KIF11: variants seen among roughly 807,000 people sequenced by gnomAD.
KIF11 encodes the protein kinesin-like protein KIF11.
KIF11 carries 9 observed loss-of-function variants against 121.0 expected under a neutral mutation model. The observed-to-expected ratio is 0.07, with a 90% CI of 0.04 to 0.13. The LOEUF is 0.13. Ranked by LOEUF, KIF11 falls within the 10% of genes least tolerant of loss-of-function variation. The pLI is 1.00. For missense variants in KIF11, 846 were observed against 1,217.5 expected (o/e 0.69, Z 4.54); for synonymous variants, 408 against 421.0 (o/e 0.97, Z 0.38).
chr10:92,632,586 A>G lies in KIF11; in HGVS notation c.1595A>G (p.Asp532Gly). The change falls in exon 13 of 22, where the codon GAT becomes GGT. Residue 532 changes from aspartate (D) to glycine (G), a missense_variant. This residue lies in a region of KIF11 where 492 missense variants were observed against 603.4 expected (regional missense o/e 0.82). Coordinates refer to ENST00000260731, the MANE Select transcript of KIF11 (RefSeq NM_004523.4). ...AVDQHNAEAQ[D>G]IFGKNLNSLF... Reference sequence around the variant, plus strand: ...GACCAACACAATGCAGAAGCTCAGGATATTTTTGGCAAAAACCTGAATAGT... The same window carrying G: ...GACCAACACAATGCAGAAGCTCAGGGTATTTTTGGCAAAAACCTGAATAGT... 6.2e-7 allele frequency: 1 copy of G among 1,613,444 alleles called. No homozygotes were observed. Among genetic ancestry groups the G allele is most frequent in the Non-Finnish European group, 8.5e-7 (1 of 1,179,344 alleles).
At chr10:92,614,192 G>A (rs947509074) in intron 8 of KIF11, among the ~76,000 whole-genome samples, 2 of 151,460 alleles carry the variant, frequency 1.3e-5, no homozygotes, top group African/African-American at 2.4e-5. Flanking sequence ...CACCTCCCAG[G>A]TTCAAGCGAT....
intron 4 of KIF11, 98 bp downstream of exon 4, chr10:92,607,335 G>A (rs1209071230): frequency 3.0e-6 from 2 of 664,440 alleles, no homozygotes. Context: ...AGAGATCAGA[G>A]TACCTATGTC....
In KIF11 at chr10:92,650,518, G is replaced by A; in HGVS notation, c.3039+1G>A. ...AATTGGCGGGGTTCCATTTTTCCAG[G>A]TATGTCATATCAGATAACCCTTCCA... On this transcript the variant is annotated splice_donor_variant, in intron 21 of 21. Transcript: ENST00000260731. LOFTEE classifies it high-confidence loss of function. 6.6e-7 allele frequency: 1 copy of A among 1,522,602 alleles called. No individual in the cohort carries two copies. The highest frequency in any genetic ancestry group is 9.1e-7 in the Non-Finnish European group (1 of 1,096,716). The allele number at this position is 1,522,602 out of a possible 1,614,324, so 94.3% of individuals were successfully genotyped here.
At chr10:92,618,053 T>C (rs1844577935) in intron 9 of KIF11, among the ~76,000 whole-genome samples, 1 of 152,172 alleles carries the variant, frequency 6.6e-6, no homozygotes, top group Admixed American at 6.5e-5. Context: ...ATGGTTTTAA[T>C]TAGCATTTCC....
intron 6 of KIF11, among the ~76,000 whole-genome samples, chr10:92,611,008 T>A (rs1049155442): frequency 3.9e-5 from 6 of 152,136 alleles, no homozygotes; most frequent in Non-Finnish European, 7.4e-5. Flanking sequence ...TTCACTAAAG[T>A]ATAAAATTTC....
At chr10:92,648,075 C>G in intron 18 of KIF11, 137 bp from the exon 19 acceptor site, 1 of 617,298 alleles carries the variant, frequency 1.6e-6, no homozygotes, top group East Asian at 2.9e-5. Flanking sequence ...TGCCACTGCA[C>G]TCCAGCCTGG....
At chr10:92,626,097 A>G (rs926717422) in intron 10 of KIF11, among the ~76,000 whole-genome samples, 1 of 152,232 alleles carries the variant, frequency 6.6e-6, no homozygotes, top group Non-Finnish European at 1.5e-5. Context: ...GAACTGGAAA[A>G]GAGCCCAAAT....
At chr10:92,653,596 A>ATAGAGTG in intron 21 of KIF11, 69 bp from the exon 22 acceptor site, 1 of 1,418,678 alleles carries the variant, frequency 7.0e-7, no homozygotes, top group Non-Finnish European at 9.6e-7. Context: ...AACTTTGAAA[A>ATAGAGTG]TAGAGTGTAG....
chr10:92,608,083 AC>A (rs538307729), intron 4 of KIF11, among the ~76,000 whole-genome samples: 1,826 of 151,050 alleles, frequency 0.012, 16 homozygotes, highest in Middle Eastern at 0.02. Context: ...AAACAAAAAA[AC>A]AAAAAACCAA....
At chr10:92,626,901 A>C (rs1449974186) in intron 10 of KIF11, among the ~76,000 whole-genome samples, 3 of 152,074 alleles carry the variant, frequency 2.0e-5, no homozygotes, top group African/African-American at 7.2e-5. Flanking sequence ...CTGGGACTAC[A>C]GGTGCCCGCC....
In KIF11 at chr10:92,613,698, A is replaced by G; in HGVS notation, c.1032+79A>G. The stretch of plus-strand genomic sequence containing the variant: ...TATTATATATTTTAAAAGTTCATTT[A>G]CTAGGATGGACACAGTGACTCACAC... On this transcript the variant is annotated intron_variant, in intron 8 of 21. Coordinates refer to ENST00000260731, the MANE Select transcript of KIF11 (RefSeq NM_004523.4). The surrounding 1 kb of genome is among the most constrained non-coding windows in gnomAD (Gnocchi z 4.2). 7.5e-7 allele frequency: 1 copy of G among 1,338,710 alleles called. No homozygotes were observed. Among genetic ancestry groups the G allele is most frequent in the African/African-American group, 1.5e-5 (1 of 67,864 alleles). The allele number at this position is 1,338,710 out of a possible 1,614,324, so 82.9% of individuals were successfully genotyped here.
Position 92,593,237 on chromosome 10 carries a change from TGCGTGCGTCGGTCCTCCAGGCCACGCCA to T in KIF11, c.-135_-108del. On this transcript the variant is annotated 5_prime_UTR_variant, in exon 1 of 22. Transcript: ENST00000260731. ...CGGGTAGAGAGCGGGGACGCCGACC[TGCGTGCGTCGGTCCTCCAGGCCACGCCA>T]GCGCCCGAGAGGGACCAGGGAGACT... 2.7e-6 allele frequency: 2 copies of T among 739,182 alleles called. No individual in the cohort carries two copies. The highest frequency in any genetic ancestry group is 6.0e-5 in the Admixed American group (2 of 33,570). 45.8% of individuals were successfully genotyped at this position (739,182 alleles called of 1,614,324 possible). A position where few individuals can be genotyped will look rare whatever the true frequency, so the allele number is the denominator to read the frequency against.
rs146286506 is a variant in KIF11 at position 92,637,439 on chromosome 10, A to G, written c.2054A>G (p.Asn685Ser). The G allele has an allele frequency of 1.9e-6, 3 of 1,602,498 alleles. No individual in the cohort carries two copies. Among genetic ancestry groups the G allele is most frequent in the African/African-American group, 2.7e-5 (2 of 74,288 alleles). The part of the protein sequence containing the change: ...LDGFLSILCN[N>S]LHELQENTIC... ...GGCTTTCTCAGTATACTGTGTAACAATCTACATGAACTACAAGAAAATACC... is the reference window on the plus strand; with the variant it reads ...GGCTTTCTCAGTATACTGTGTAACAGTCTACATGAACTACAAGAAAATACC... The change falls in exon 16 of 22, where the codon AAT becomes AGT. Residue 685 changes from asparagine (N) to serine (S), a missense_variant. Asn to Ser is a conservative substitution (Grantham distance 46). Coordinates refer to ENST00000260731, the MANE Select transcript of KIF11 (RefSeq NM_004523.4).
rs75762238 is a variant in KIF11, at chr10:92,608,896, T to C, written c.388-124T>C. On this transcript the variant is annotated intron_variant, in intron 4 of 21. Coordinates refer to ENST00000260731, the MANE Select transcript of KIF11 (RefSeq NM_004523.4). ...TAACATTAGGTTAGTTGTTTCTTTT[T>C]TTGTTTTGTTTTAACTTGCTTTGCC... The C allele has an allele frequency of 0.082, 44,948 of 549,612 alleles. 2,225 individuals carry two copies. The highest frequency in any genetic ancestry group is 0.11 in the Middle Eastern group (230 of 2,002). 34.0% of individuals were successfully genotyped at this position (549,612 alleles called of 1,614,324 possible).
At chr10:92,621,267 CTT>C in intron 9 of KIF11, 116 bp from the exon 10 acceptor site, 1 of 520,352 alleles carries the variant, frequency 1.9e-6, no homozygotes, top group Admixed American at 3.5e-5. Context: ...TTTTATCATA[CTT>C]CTTTAAGTTT....
chr10:92,635,386 A>G (rs977352277), intron 14 of KIF11, among the ~76,000 whole-genome samples: 4 of 152,228 alleles, frequency 2.6e-5, no homozygotes, highest in Admixed American at 2.6e-4. Context: ...CCACTGCAAT[A>G]AAGTGAATAT....
intron 17 of KIF11, among the ~76,000 whole-genome samples, chr10:92,642,078 G>T (rs921899575): frequency 1.3e-5 from 2 of 151,078 alleles, no homozygotes; most frequent in Non-Finnish European, 2.9e-5. Flanking sequence ...AGCATTTTTT[G>T]ATGGCTGCTT....
chr10:92,633,492 C>T (rs1321864118), intron 13 of KIF11, 131 bp from the exon 14 acceptor site: 1 of 641,954 alleles, frequency 1.6e-6, no homozygotes, highest in Non-Finnish European at 2.7e-6. Flanking sequence ...TGTAGTGAGC[C>T]AGTTCTTTTA....
intron 14 of KIF11, among the ~76,000 whole-genome samples, chr10:92,636,662 AAG>A (rs916160071): frequency 6.6e-6 from 1 of 152,048 alleles, no homozygotes; most frequent in Non-Finnish European, 1.5e-5. Context: ...GGCTTGAAAA[AAG>A]AGAAATTATT....
Sources: gnomAD v4.1 joint callset for allele counts (sites outside exome capture counted in the v4.1 genomes callset) on GRCh38, gnomAD v4.1.1 for gene constraint, gnomAD v4.1.1 regional missense constraint, Gnocchi (gnomAD v3.1) non-coding constraint, MANE v1.5 for transcripts, NCBI Gene and HGNC (gene_info 2026-07-23, HGNC 2026-07-21) for gene names.